CAPZB: variants seen among roughly 807,000 people sequenced by gnomAD.
The protein encoded by CAPZB is capping actin protein of muscle Z-line subunit beta.
A neutral mutation model predicts 38.1 loss-of-function variants in CAPZB; 2 were observed. The ratio of observed to expected loss-of-function variants is 0.05; its 90% confidence interval spans 0.02 to 0.17. The LOEUF is 0.17. Ranked by LOEUF, CAPZB falls within the 10% of genes least tolerant of loss-of-function variation. The pLI is 1.00. For missense variants in CAPZB, 161 were observed against 334.2 expected, an observed-to-expected ratio of 0.48 and a Z score of 4.04; for synonymous variants, 107 against 127.4, an observed-to-expected ratio of 0.84 and a Z score of 1.08.
intron 1 of CAPZB, chr1:19,424,775 CGA>C (rs2094416213): frequency 6.6e-6 from 1 of 152,232 alleles, no homozygotes; most frequent in Non-Finnish European, 1.5e-5. Flanking sequence ...TATCCTACTG[CGA>C]GAGCAGACAT....
At chr1:19,484,328 C>A in intron 1 of CAPZB, 2 of 1,584,712 alleles carry the variant, frequency 1.3e-6, no homozygotes, top group South Asian at 2.3e-5. Context: ...CCCCCAAGGC[C>A]ACGGCCTCAC....
chr1:19,349,415 G>C (rs935925844), intron 6 of CAPZB, among the ~76,000 whole-genome samples: 3 of 152,050 alleles, frequency 2.0e-5, no homozygotes, highest in African/African-American at 7.2e-5. Context: ...GCAGATTCCC[G>C]GCCACCCTAG....
chr1:19,346,358 G>A (rs898937789), intron 6 of CAPZB, among the ~76,000 whole-genome samples: 1 of 149,758 alleles, frequency 6.7e-6, no homozygotes, highest in East Asian at 2.0e-4. Context: ...GTACTCTAAG[G>A]CTAAGCATTT....
intron 2 of CAPZB, among the ~76,000 whole-genome samples, chr1:19,412,257 G>T (rs185857563): frequency 6.6e-6 from 1 of 152,112 alleles, no homozygotes; most frequent in African/African-American, 2.4e-5. Flanking sequence ...TCCATTCCGC[G>T]GCTCCTGCTC....
rs796979210 is a variant in CAPZB, at chr1:19,356,476, G to A, written c.588+159C>T. ...TGGGCAACCTTGCACAGCCCAGAGA[G>A]CTTTTATTTGAAAATGCAAAGCCCT... is the stretch of plus-strand genomic sequence containing the variant. On this transcript the variant is annotated intron_variant, in intron 6 of 8. Transcript: ENST00000264202. This position sits in a 1 kb window ranked among gnomAD's most constrained non-coding sequence, Gnocchi z 4.3. 4.6e-5 allele frequency among the ~76,000 whole-genome samples: 7 copies of A among 152,362 alleles called. No homozygotes were observed. The highest frequency in any genetic ancestry group is 1.7e-4 in the African/African-American group (7 of 41,588).
intron 2 of CAPZB, among the ~76,000 whole-genome samples, chr1:19,410,170 T>C (rs1324770829): frequency 6.6e-6 from 1 of 152,222 alleles, no homozygotes; most frequent in African/African-American, 2.4e-5. Flanking sequence ...ACGCACTGCC[T>C]GCTTGCCTCT....
intron 1 of CAPZB, among the ~76,000 whole-genome samples, chr1:19,455,585 T>G (rs533844616): frequency 6.6e-6 from 1 of 152,304 alleles, no homozygotes; most frequent in Admixed American, 6.5e-5. Flanking sequence ...TCACAGTCCC[T>G]GCCGCATCTT....
chr1:19,485,481 T>G lies in CAPZB; in HGVS notation c.-43A>C, dbSNP rs1180151025. The G allele has an allele frequency of 8.1e-7, 1 of 1,227,174 alleles. No individual in the cohort carries two copies. Among genetic ancestry groups the G allele is most frequent in the Non-Finnish European group, 1.0e-6 (1 of 985,562 alleles). The allele number at this position is 1,227,174 out of a possible 1,614,324, so 76.0% of individuals were successfully genotyped here. ...CGGTCCCGGTCCCGGCGTCAGTGGC[T>G]CTCCCCCCCGCAGCAGGGCCCGGCG... On this transcript the variant is annotated 5_prime_UTR_variant, in exon 1 of 9. Coordinates refer to ENST00000264202, the MANE Select transcript of CAPZB (RefSeq NM_004930.5).
chr1:19,344,432 G>C lies in CAPZB; in HGVS notation c.657C>G (p.Asp219Glu). ...GCGTACTTCTGATTTTATTTTCCAT[G>C]TCCTGGAAGGGAGGTCGGTCAGCGC... is the stretch of plus-strand genomic sequence containing the variant. ...HIANIGRLVEDMENKIRSTLN... is the reference protein window; with the variant it reads ...HIANIGRLVEEMENKIRSTLN... Residue 219 changes from aspartate to glutamate, a missense_variant and splice_region_variant, in exon 8 of 9, where the codon GAC becomes GAG. Coordinates refer to ENST00000264202, the MANE Select transcript of CAPZB (RefSeq NM_004930.5). 1 of 1,613,786 alleles carries C rather than the reference G, an allele frequency of 6.2e-7. No individual in the cohort carries two copies. The highest frequency in any genetic ancestry group is 8.5e-7 in the Non-Finnish European group (1 of 1,179,670).
At chr1:19,479,240 G>A (rs1400223201) in intron 1 of CAPZB, among the ~76,000 whole-genome samples, 1 of 152,126 alleles carries the variant, frequency 6.6e-6, no homozygotes, top group Non-Finnish European at 1.5e-5. Context: ...ACTAGCTTCT[G>A]TTATTCCTAC....
intron 3 of CAPZB, among the ~76,000 whole-genome samples, chr1:19,384,588 G>C (rs1243495019): frequency 6.6e-6 from 1 of 152,188 alleles, no homozygotes; most frequent in Non-Finnish European, 1.5e-5. Context: ...GCTGACTCCT[G>C]ATCATTTTTC....
chr1:19,348,311 G>A (rs749756676), intron 6 of CAPZB, among the ~76,000 whole-genome samples: 3 of 151,712 alleles, frequency 2.0e-5, no homozygotes, highest in African/African-American at 4.8e-5. Context: ...TTGCTATGTT[G>A]CCCAGGCTAG....
intron 1 of CAPZB, among the ~76,000 whole-genome samples, chr1:19,467,058 TTTTA>T (rs34677425): frequency 9.3e-5 from 14 of 150,692 alleles, no homozygotes; most frequent in African/African-American, 1.7e-4. Context: ...CACACCCAGC[TTTTA>T]TTTATTTATT....
chr1:19,450,059 G>A (rs1229041337), intron 1 of CAPZB, among the ~76,000 whole-genome samples: 1 of 145,750 alleles, frequency 6.9e-6, no homozygotes, highest in Non-Finnish European at 1.5e-5. Flanking sequence ...TGGGAGGACT[G>A]CTTGAGCCCA....
At chr1:19,453,169 C>T (rs958309991) in intron 1 of CAPZB, among the ~76,000 whole-genome samples, 4 of 152,144 alleles carry the variant, frequency 2.6e-5, no homozygotes, top group Non-Finnish European at 5.9e-5. Context: ...CTTCCAGCTT[C>T]TTGTGACTGT....
At chr1:19,372,915 G>A (rs2094126581) in intron 4 of CAPZB, among the ~76,000 whole-genome samples, 1 of 152,108 alleles carries the variant, frequency 6.6e-6, no homozygotes, top group South Asian at 2.1e-4. Context: ...GCTGGGAGGG[G>A]AAGTGATGAA....
In CAPZB at chr1:19,442,574, C is replaced by T. The variant is rs182936301; in HGVS notation, c.4-22824G>A. Among the ~76,000 whole-genome samples the T allele has an allele frequency of 9.1e-4, 138 of 152,114 alleles. 1 individual carries two copies. The highest frequency in any genetic ancestry group is 3.1e-3 in the African/African-American group (127 of 41,500). On this transcript the variant is annotated intron_variant, in intron 1 of 8. Coordinates refer to ENST00000264202, the MANE Select transcript of CAPZB (RefSeq NM_004930.5). ...TGCAAGCTTTAAGGCCAGTATGAGT[C>T]GAATGTTTACTGGACATTAGGCAGT...
chr1:19,354,868 G>C (rs1466691755), intron 6 of CAPZB, among the ~76,000 whole-genome samples: 1 of 152,228 alleles, frequency 6.6e-6, no homozygotes, highest in Non-Finnish European at 1.5e-5. Context: ...TCAGGCTGCA[G>C]GGGAGCTGGC....
chr1:19,373,220 G>A (rs1236109797), intron 4 of CAPZB, among the ~76,000 whole-genome samples: 2 of 152,076 alleles, frequency 1.3e-5, no homozygotes, highest in Admixed American at 1.3e-4. Flanking sequence ...GGAGCCGTGA[G>A]GACACACGGC....
Sources: allele counts gnomAD v4.1 joint callset (sites outside exome capture counted in the v4.1 genomes callset), GRCh38; gene constraint gnomAD v4.1.1; non-coding constraint Gnocchi (gnomAD v3.1); transcripts MANE v1.5; gene names NCBI Gene and HGNC (gene_info 2026-07-23, HGNC 2026-07-21).